Variants in ACIN1 observed in about 807,000 individuals in gnomAD.
The protein encoded by ACIN1 is apoptotic chromatin condensation inducer in the nucleus.
A neutral mutation model predicts 146.6 loss-of-function variants in ACIN1; 16 were observed. The observed-to-expected ratio is 0.11, with a 90% confidence interval of 0.07 to 0.17. The LOEUF is 0.17. Ranked by LOEUF, ACIN1 falls within the 10% of genes least tolerant of loss-of-function variation. The pLI is 1.00. For synonymous variants in ACIN1, 569 were observed against 582.7 expected (o/e 0.98, Z 0.34); for missense variants, 1,357 against 1,609.3 (o/e 0.84, Z 2.68).
chr14:23,069,023 G>A (rs1224321020), intron 9 of ACIN1: 2 of 986,398 alleles, frequency 2.0e-6, no homozygotes, highest in Non-Finnish European at 2.4e-6. Context: ...TCAGACCACT[G>A]GAGGGCAGAG....
chr14:23,065,306 G>C (rs942018677), intron 10 of ACIN1, among the ~76,000 whole-genome samples: 7 of 152,246 alleles, frequency 4.6e-5, no homozygotes, highest in African/African-American at 1.7e-4. Context: ...GCATAAACAA[G>C]GTCAGGCACG....
rs2139992782 is a variant in ACIN1, at chr14:23,061,376, G to A, written c.3346C>T (p.Pro1116Ser). 6.2e-7 allele frequency: 1 copy of A among 1,614,060 alleles called. No individual in the cohort carries two copies. The highest frequency in any genetic ancestry group is 1.1e-5 in the South Asian group (1 of 91,080). ...EWDRDKVREGPRSRSRSRDRR... is the reference protein window; with the variant it reads ...EWDRDKVREGSRSRSRSRDRR... ...TCACGGGACCTTGATCGGGAACGGGGCCCTTCTCGAACTTTGTCCCGATCC... is the reference window on the plus strand; with the variant it reads ...TCACGGGACCTTGATCGGGAACGGGACCCTTCTCGAACTTTGTCCCGATCC... The change falls in exon 17 of 19, where the codon CCC becomes TCC. Residue 1116 changes from proline (P) to serine (S), a missense_variant. By Grantham distance (74) the Pro-to-Ser change is moderately conservative. Around this residue, in one of 4 missense-constraint regions of ACIN1, gnomAD observed 509 missense variants for 719.6 expected, o/e 0.71. Coordinates refer to ENST00000605057, the MANE Select transcript of ACIN1 (RefSeq NM_001386863.1).
At chr14:23,093,422 T>G (rs1325503990) in intron 2 of ACIN1, 57 bp downstream of exon 2, 1 of 1,518,736 alleles carries the variant, frequency 6.6e-7, no homozygotes, top group Admixed American at 1.7e-5. Context: ...CACCACGTCC[T>G]TCCATGTGTC....
chr14:23,059,091 T>C lies in ACIN1; in HGVS notation c.*57A>G, dbSNP rs534700680. 6.5e-7 allele frequency: 1 copy of C among 1,546,160 alleles called. No homozygotes were observed. Among genetic ancestry groups the C allele is most frequent in the Non-Finnish European group, 8.9e-7 (1 of 1,129,856 alleles). On this transcript the variant is annotated 3_prime_UTR_variant, in exon 19 of 19. Transcript: ENST00000605057. ...GGTGGAGACTGTGCCTATCCCTCTG[T>C]GGCCATAACCCCCTGGGGCCGAGTG...
intron 8 of ACIN1, among the ~76,000 whole-genome samples, chr14:23,075,735 G>A (rs866092100): frequency 6.7e-6 from 1 of 148,480 alleles, no homozygotes; most frequent in African/African-American, 2.5e-5. Flanking sequence ...ACGGAGTTTC[G>A]CTCTTGTTGC....
At chr14:23,059,722 C>T (rs1265793903) in intron 18 of ACIN1, among the ~76,000 whole-genome samples, 1 of 149,462 alleles carries the variant, frequency 6.7e-6, no homozygotes, top group African/African-American at 2.5e-5. Context: ...GGCACGATCT[C>T]GGCTCACTGC....
chr14:23,080,560 C>T lies in ACIN1; in HGVS notation c.775G>A (p.Glu259Lys), dbSNP rs529325011. The change falls in exon 6 of 19, where the codon GAG becomes AAG. Residue 259 changes from glutamate to lysine, a missense_variant. Coordinates refer to ENST00000605057, the MANE Select transcript of ACIN1 (RefSeq NM_001386863.1). ...EGEEIPRVKP[E>K]EMMDERPKTR... Reference sequence around the variant, plus strand: ...TTGGGTCTCTCATCCATCATCTCCTCTGGTTTTACTCTAGGTATCTCTTCC... The same window carrying T: ...TTGGGTCTCTCATCCATCATCTCCTTTGGTTTTACTCTAGGTATCTCTTCC... The T allele has an allele frequency of 6.2e-7, 1 of 1,614,106 alleles. No individual in the cohort carries two copies. The highest frequency in any genetic ancestry group is 8.5e-7 in the Non-Finnish European group (1 of 1,179,994).
chr14:23,064,435 C>G lies in ACIN1; in HGVS notation c.2362G>C (p.Gly788Arg). 1 of 1,614,252 alleles carries G rather than the reference C, an allele frequency of 6.2e-7. No homozygotes were observed. The highest frequency in any genetic ancestry group is 8.5e-7 in the Non-Finnish European group (1 of 1,180,040). The part of the protein sequence containing the change: ...GNSDTEGGQP[G>R]RKRRWGASTA... ...CTGGCTCCCCAGCGTCGTTTCCGACCAGGCTGGCCCCCCTCTGTGTCACTG... is the reference window on the plus strand; with the variant it reads ...CTGGCTCCCCAGCGTCGTTTCCGACGAGGCTGGCCCCCCTCTGTGTCACTG... The change falls in exon 11 of 19, where the codon GGT becomes CGT. Residue 788 changes from glycine (G) to arginine (R), a missense_variant. By Grantham distance (125) the Gly-to-Arg change is moderately radical (BLOSUM62 -2). Transcript: ENST00000605057.
rs1211545011 is a variant in ACIN1, at chr14:23,094,891, C to T, written c.138+84G>A. ...GGCCTGAGCGAGCTCGCGCCGAGCC[C>T]GGATACTGCGCCTGCGCCGCGGCAG... On this transcript the variant is annotated intron_variant, in intron 1 of 18. Coordinates refer to ENST00000605057, the MANE Select transcript of ACIN1 (RefSeq NM_001386863.1). 3.3e-6 allele frequency: 5 copies of T among 1,495,804 alleles called. No homozygotes were observed. The Admixed American group carries it at 8.8e-5, about 26-fold the overall frequency. 92.7% of individuals were successfully genotyped at this position (1,495,804 alleles called of 1,614,324 possible).
intron 8 of ACIN1, chr14:23,071,360 G>GA (rs1414500867): frequency 6.5e-7 from 1 of 1,532,724 alleles, no homozygotes; most frequent in Non-Finnish European, 8.8e-7. Flanking sequence ...AATGGAAGGG[G>GA]AGGTGGTGGT....
intron 4 of ACIN1, among the ~76,000 whole-genome samples, chr14:23,082,734 C>T (rs1594776705): frequency 6.6e-6 from 1 of 151,144 alleles, no homozygotes; most frequent in African/African-American, 2.4e-5. Context: ...CATGAGCTCA[C>T]ATGTTTTTCT....
intron 14 of ACIN1, 147 bp from the exon 15 acceptor site, chr14:23,062,670 A>T (rs1324481500): frequency 2.4e-6 from 2 of 819,082 alleles, no homozygotes; most frequent in Non-Finnish European, 2.0e-6. Context: ...AGAATGTGAG[A>T]AGAGTGGTGG....
chr14:23,081,106 G>A (rs547571291), intron 5 of ACIN1, among the ~76,000 whole-genome samples: 1 of 151,822 alleles, frequency 6.6e-6, no homozygotes, highest in East Asian at 1.9e-4. Flanking sequence ...GAAAGTAAAA[G>A]GGTGGATAGG....
chr14:23,090,487 C>T (rs771795950), intron 3 of ACIN1, 35 bp downstream of exon 3: 35 of 1,580,804 alleles, frequency 2.2e-5, no homozygotes, highest in African/African-American at 1.2e-4. Flanking sequence ...ATAAGAATGA[C>T]GAACTCCTTG....
intron 8 of ACIN1, among the ~76,000 whole-genome samples, chr14:23,073,282 A>C (rs1594762731): frequency 1.3e-5 from 2 of 152,362 alleles, no homozygotes; most frequent in Middle Eastern, 6.8e-3. Context: ...CCAGGGCCTA[A>C]CACAAAGTAA....
At chr14:23,092,861 G>C (rs937711411) in intron 2 of ACIN1, among the ~76,000 whole-genome samples, 2 of 152,156 alleles carry the variant, frequency 1.3e-5, no homozygotes, top group Non-Finnish European at 2.9e-5. Context: ...CCCCAAAGCA[G>C]CTCCACAAAA....
chr14:23,079,159 T>C, intron 6 of ACIN1, 121 bp from the exon 7 acceptor site: 1 of 1,007,876 alleles, frequency 9.9e-7, no homozygotes, highest in Non-Finnish European at 1.4e-6. Flanking sequence ...TTGTCTGTGT[T>C]TACTCCCATT....
At chr14:23,094,859 C>T in intron 1 of ACIN1, 116 bp downstream of exon 1, 1 of 1,393,366 alleles carries the variant, frequency 7.2e-7, no homozygotes, top group South Asian at 1.4e-5. Flanking sequence ...CAGAGGCTCG[C>T]GCTGGCGGCC....
intron 1 of ACIN1, 130 bp downstream of exon 1, chr14:23,094,845 G>T: frequency 1.5e-6 from 2 of 1,345,698 alleles, no homozygotes; most frequent in East Asian, 2.4e-5. Context: ...CGTGCGCGCG[G>T]ATCCAGAGGC....
Sources: gnomAD v4.1 joint callset for allele counts (sites outside exome capture counted in the v4.1 genomes callset) on GRCh38, gnomAD v4.1.1 for gene constraint, gnomAD v4.1.1 regional missense constraint, MANE v1.5 for transcripts, NCBI Gene and HGNC (gene_info 2026-07-23, HGNC 2026-07-21) for gene names.